The following TAFA1 variants were observed in gnomAD, a reference collection of about 807,000 sequenced individuals.
TAFA1 encodes chemokine-like protein TAFA-1.
TAFA1 carries 4 observed loss-of-function variants against 18.5 expected under a neutral mutation model. That is an observed-to-expected ratio of 0.22 (90% confidence interval 0.11 to 0.49). The LOEUF (loss-of-function observed/expected upper bound fraction) is 0.49. Ranked by LOEUF, TAFA1 falls within the 20% of genes least tolerant of loss-of-function variation. The probability of loss-of-function intolerance (pLI) is 0.98; values close to 1 mark genes in which losing one functional copy is unlikely to be tolerated. For missense variants in TAFA1, 147 were observed against 169.0 expected (o/e 0.87, Z 0.72); for synonymous variants, 56 against 55.2 (o/e 1.01, Z -0.06).
intron 2 of TAFA1, among the ~76,000 whole-genome samples, chr3:68,234,505 G>T (rs2066905772): frequency 6.6e-6 from 1 of 152,142 alleles, no homozygotes; most frequent in African/African-American, 2.4e-5. Flanking sequence ...AACTCTGAGT[G>T]CAATGAAAGT....
chr3:68,305,989 A>C (rs1026833889), intron 2 of TAFA1, among the ~76,000 whole-genome samples: 1 of 152,222 alleles, frequency 6.6e-6, no homozygotes, highest in Non-Finnish European at 1.5e-5. Context: ...TGTTTGAAAA[A>C]CAGTGAATTG....
At chr3:68,101,842 T>C (rs192843854) in intron 2 of TAFA1, among the ~76,000 whole-genome samples, 13 of 152,232 alleles carry the variant, frequency 8.5e-5, no homozygotes, top group African/African-American at 2.9e-4. Context: ...TTTCTTTACT[T>C]TTGGACAACT....
chr3:68,019,655 T>C (rs1340698788), intron 2 of TAFA1, among the ~76,000 whole-genome samples: 1 of 152,196 alleles, frequency 6.6e-6, no homozygotes, highest in African/African-American at 2.4e-5. Context: ...GAATATGCTG[T>C]CTTTCAAATA....
At chr3:68,384,751 T>A (rs917097890) in intron 2 of TAFA1, among the ~76,000 whole-genome samples, 1 of 152,070 alleles carries the variant, frequency 6.6e-6, no homozygotes, top group South Asian at 2.1e-4. Flanking sequence ...ATCTATCTAA[T>A]ATTGTCAATG....
chr3:68,462,815 C>T (rs969569167), intron 3 of TAFA1, among the ~76,000 whole-genome samples: 1 of 152,176 alleles, frequency 6.6e-6, no homozygotes, highest in Non-Finnish European at 1.5e-5. Context: ...ATATCAGAGA[C>T]TCCATTGCCT....
At chr3:68,328,082 G>A (rs72626978) in intron 2 of TAFA1, among the ~76,000 whole-genome samples, 3,657 of 152,148 alleles carry the variant, frequency 0.024, 69 homozygotes, top group East Asian at 0.097. Flanking sequence ...GAATCTGTTG[G>A]TATAAAAACA....
intron 2 of TAFA1, among the ~76,000 whole-genome samples, chr3:68,233,806 A>T (rs2066897929): frequency 1.3e-5 from 2 of 152,058 alleles, no homozygotes; most frequent in African/African-American, 4.8e-5. Flanking sequence ...GAAGGACCTT[A>T]TTTTTTTAAT....
At chr3:68,517,698 A>G (rs1241391467) in intron 3 of TAFA1, among the ~76,000 whole-genome samples, 1 of 152,208 alleles carries the variant, frequency 6.6e-6, no homozygotes, top group Admixed American at 6.5e-5. Flanking sequence ...AAGCAGAACT[A>G]TGGCCCAGGA....
chr3:68,172,522 T>C (rs1469660631), intron 2 of TAFA1, among the ~76,000 whole-genome samples: 1 of 152,162 alleles, frequency 6.6e-6, no homozygotes, highest in Non-Finnish European at 1.5e-5. Context: ...AGCACTGCCA[T>C]GTGATCCAGA....
At chr3:68,378,364 C>T (rs977794621) in intron 2 of TAFA1, among the ~76,000 whole-genome samples, 2 of 152,214 alleles carry the variant, frequency 1.3e-5, no homozygotes, top group African/African-American at 4.8e-5. Flanking sequence ...TGCAGATTTT[C>T]ATGGGGCTTG....
At chr3:68,118,368 G>A (rs754692469) in intron 2 of TAFA1, among the ~76,000 whole-genome samples, 6 of 152,116 alleles carry the variant, frequency 3.9e-5, no homozygotes, top group Admixed American at 6.5e-5. Context: ...GCTGTAATGC[G>A]AACCATGGGG....
intron 3 of TAFA1, among the ~76,000 whole-genome samples, chr3:68,423,902 A>C (rs1271452071): frequency 1.3e-5 from 2 of 151,966 alleles, no homozygotes; most frequent in Non-Finnish European, 2.9e-5. Flanking sequence ...CTTTCTTCTC[A>C]TTCCATGTAA....
At chr3:68,087,576 GTCCT>G (rs986405810) in intron 2 of TAFA1, among the ~76,000 whole-genome samples, 13 of 106,312 alleles carry the variant, frequency 1.2e-4, no homozygotes, top group Admixed American at 2.8e-4. Context: ...CCCTCCTTCC[GTCCT>G]TCCTTCCTTC....
intron 2 of TAFA1, among the ~76,000 whole-genome samples, chr3:68,409,582 TGTGA>T (rs1340423186): frequency 6.6e-6 from 1 of 152,312 alleles, no homozygotes; most frequent in Non-Finnish European, 1.5e-5. Flanking sequence ...CATGCAGAAC[TGTGA>T]GTCAGTTAAA....
intron 2 of TAFA1, among the ~76,000 whole-genome samples, chr3:68,025,837 C>A (rs1278223435): frequency 1.3e-5 from 2 of 152,190 alleles, no homozygotes; most frequent in Non-Finnish European, 2.9e-5. Context: ...CATCTCAGAA[C>A]TGCACATCTC....
chr3:68,030,500 T>A (rs1704909753), intron 2 of TAFA1, among the ~76,000 whole-genome samples: 2 of 152,022 alleles, frequency 1.3e-5, no homozygotes, highest in Non-Finnish European at 2.9e-5. Context: ...CACTTATGAG[T>A]GAGAACATGC....
At chr3:68,362,447 A>G (rs1270373976) in intron 2 of TAFA1, among the ~76,000 whole-genome samples, 7 of 152,278 alleles carry the variant, frequency 4.6e-5, no homozygotes, top group Non-Finnish European at 4.4e-5. Flanking sequence ...GAAACAGCAC[A>G]GGCAAAAACT....
chr3:67,992,906 A>T, the TAFA1 span, among the ~76,000 whole-genome samples: 4 of 152,192 alleles, frequency 2.6e-5, no homozygotes, highest in African/African-American at 9.6e-5. Context: ...TCCTTGGGTA[A>T]TGTGCCCACA....
At chr3:68,388,832 A>G (rs1239342991) in intron 2 of TAFA1, among the ~76,000 whole-genome samples, 1 of 152,170 alleles carries the variant, frequency 6.6e-6, no homozygotes, top group African/African-American at 2.4e-5. Flanking sequence ...AAACCTTAAT[A>G]ATTAGCCAAC....
Sources: allele counts gnomAD v4.1 joint callset (sites outside exome capture counted in the v4.1 genomes callset), GRCh38; gene constraint gnomAD v4.1.1; transcripts MANE v1.5; gene names NCBI Gene and HGNC (gene_info 2026-07-23, HGNC 2026-07-21).